Variants in APP observed in about 807,000 individuals in gnomAD.
APP encodes the protein amyloid beta precursor protein.
A neutral mutation model predicts 101.4 loss-of-function variants in APP; 31 were observed. The observed-to-expected ratio is 0.31, with a 90% CI of 0.23 to 0.41. APP has a LOEUF of 0.41. Ranked by LOEUF, APP falls within the 10% of genes least tolerant of loss-of-function variation. The pLI, the probability that APP is intolerant of heterozygous loss-of-function variation, is 1.00. For synonymous variants in APP, 366 were observed against 364.4 expected (o/e 1.00, Z -0.05); for missense variants, 839 against 1,003.7 (o/e 0.84, Z 2.22).
intron 8 of APP, among the ~76,000 whole-genome samples, chr21:25,995,753 C>T (rs1429782204): frequency 6.6e-6 from 1 of 152,098 alleles, no homozygotes; most frequent in African/African-American, 2.4e-5. Flanking sequence ...GCAAAAGAAA[C>T]GTTTATGTTG....
intron 1 of APP, among the ~76,000 whole-genome samples, chr21:26,146,593 C>T (rs2146327123): frequency 6.6e-6 from 1 of 152,082 alleles, no homozygotes; most frequent in South Asian, 2.1e-4. Flanking sequence ...GAAATTATTT[C>T]AAAATAACCC....
chr21:25,953,868 T>C (rs1408159458), intron 13 of APP, among the ~76,000 whole-genome samples: 1 of 152,236 alleles, frequency 6.6e-6, no homozygotes, highest in Non-Finnish European at 1.5e-5. Context: ...GTTTTGATAA[T>C]GGACTATAGT....
chr21:26,086,548 G>T, intron 3 of APP, among the ~76,000 whole-genome samples: 1 of 101,108 alleles, frequency 9.9e-6, no homozygotes, highest in South Asian at 4.4e-4. Context: ...ATTTTATTTT[G>T]TTTGCTAGGT....
At chr21:25,953,175 T>G (rs540517668) in intron 13 of APP, among the ~76,000 whole-genome samples, 1 of 152,338 alleles carries the variant, frequency 6.6e-6, no homozygotes, top group African/African-American at 2.4e-5. Flanking sequence ...TCAGGTGATC[T>G]GCTCACCTTG....
intron 15 of APP, among the ~76,000 whole-genome samples, chr21:25,900,393 A>G (rs953686022): frequency 2.9e-5 from 4 of 138,968 alleles, no homozygotes; most frequent in Non-Finnish European, 6.0e-5. Context: ...AAAAAAAAAA[A>G]AAAAAAAAAA....
chr21:26,158,165 CTT>C (rs2063412742), intron 1 of APP: 2 of 152,234 alleles, frequency 1.3e-5, no homozygotes, highest in South Asian at 4.1e-4. Flanking sequence ...AGGCTCAGCT[CTT>C]GGATGTTTCT....
chr21:26,100,608 C>A (rs1450302282), intron 2 of APP, among the ~76,000 whole-genome samples: 2 of 152,118 alleles, frequency 1.3e-5, no homozygotes, highest in African/African-American at 4.8e-5. Context: ...CAATTCGTGT[C>A]TGGGAATCCC....
intron 17 of APP, among the ~76,000 whole-genome samples, chr21:25,883,330 G>C (rs191338421): frequency 1.2e-4 from 19 of 152,124 alleles, no homozygotes; most frequent in Non-Finnish European, 1.9e-4. Context: ...TTGAACTTGG[G>C]GGGTGGAGTT....
chr21:26,137,660 A>C lies in APP; in HGVS notation c.58-25514T>G, dbSNP rs45603835. The stretch of plus-strand genomic sequence containing the variant: ...AACTAAGAAAGGTTTTAGGAGCTAC[A>C]ATCTCTCATTTAGAAACTCCAGATA... On this transcript the variant is annotated intron_variant, in intron 1 of 17. Coordinates refer to ENST00000346798, the MANE Select transcript of APP (RefSeq NM_000484.4). 5.2e-3 allele frequency among the ~76,000 whole-genome samples: 791 copies of C among 152,320 alleles called. 6 individuals carry two copies. The highest frequency in any genetic ancestry group is 0.017 in the African/African-American group (721 of 41,566).
At position 25,913,695 on chromosome 21, in the gene APP, T is replaced by C. The variant is rs147722019; in HGVS notation, c.1688-1733A>G. ...CTGTTCTTGGGTCTGTGGTATCTACTATCACTTACCATGTCCTTTATTTGG... is the reference window on the plus strand; with the variant it reads ...CTGTTCTTGGGTCTGTGGTATCTACCATCACTTACCATGTCCTTTATTTGG... On this transcript the variant is annotated intron_variant, in intron 13 of 17. Coordinates refer to ENST00000346798, the MANE Select transcript of APP (RefSeq NM_000484.4). Among the ~76,000 whole-genome samples the C allele has an allele frequency of 3.2e-4, 48 of 152,368 alleles. No homozygotes were observed. The East Asian group carries it at 8.1e-3, about 26-fold the overall frequency.
intron 13 of APP, among the ~76,000 whole-genome samples, chr21:25,940,362 A>G (rs1401338625): frequency 1.3e-5 from 2 of 152,130 alleles, no homozygotes; most frequent in East Asian, 1.9e-4. Flanking sequence ...AAGACTGAAC[A>G]TTTTAATTTA....
chr21:25,956,217 G>A (rs1339394203), intron 11 of APP, among the ~76,000 whole-genome samples: 1 of 152,172 alleles, frequency 6.6e-6, no homozygotes, highest in Admixed American at 6.5e-5. Flanking sequence ...AGAAAAACAG[G>A]AAATTTAACC....
intron 16 of APP, among the ~76,000 whole-genome samples, chr21:25,897,226 C>T (rs542532492): frequency 5.9e-5 from 9 of 152,188 alleles, no homozygotes; most frequent in Admixed American, 1.3e-4. Flanking sequence ...AAGTCTCCTG[C>T]GTCAGCCTCC....
intron 6 of APP, among the ~76,000 whole-genome samples, chr21:26,015,697 A>C (rs2044023587): frequency 6.6e-6 from 1 of 152,196 alleles, no homozygotes; most frequent in Admixed American, 6.5e-5. Flanking sequence ...CCAAAAAAAA[A>C]CAAACCCTAC....
intron 13 of APP, among the ~76,000 whole-genome samples, chr21:25,939,124 C>T (rs545353743): frequency 3.3e-5 from 5 of 152,318 alleles, no homozygotes; most frequent in African/African-American, 9.6e-5. Context: ...TGATTTTGAT[C>T]AAGCCACTTA....
intron 13 of APP, among the ~76,000 whole-genome samples, chr21:25,931,911 G>A (rs540872293): frequency 5.3e-5 from 8 of 152,098 alleles, no homozygotes; most frequent in African/African-American, 1.9e-4. Flanking sequence ...AAATGGAAAC[G>A]TTCCCAATAC....
chr21:25,979,810 C>CAAA (rs56023203), intron 9 of APP, among the ~76,000 whole-genome samples: 2 of 151,876 alleles, frequency 1.3e-5, no homozygotes, highest in African/African-American at 4.8e-5. Flanking sequence ...AAAAAACACA[C>CAAA]ATTAAAAAAA....
At chr21:26,136,057 G>A (rs1382105215) in intron 1 of APP, among the ~76,000 whole-genome samples, 2 of 150,488 alleles carry the variant, frequency 1.3e-5, no homozygotes, top group Non-Finnish European at 2.9e-5. Flanking sequence ...CTTGAACCCA[G>A]GAGGCAGAGG....
chr21:26,169,668 C>A (rs891227037), intron 1 of APP, among the ~76,000 whole-genome samples: 4 of 152,240 alleles, frequency 2.6e-5, no homozygotes, highest in African/African-American at 9.6e-5. Context: ...GGACGCGCAG[C>A]CCCGGGAAGG....
Sources: gnomAD v4.1 joint callset for allele counts (sites outside exome capture counted in the v4.1 genomes callset) on GRCh38, gnomAD v4.1.1 for gene constraint, MANE v1.5 for transcripts, NCBI Gene and HGNC (gene_info 2026-07-23, HGNC 2026-07-21) for gene names.